TEPSIN: variants seen among roughly 807,000 people sequenced by gnomAD.
TEPSIN encodes the protein AP-4 complex accessory subunit tepsin.
TEPSIN carries 50 observed loss-of-function variants against 48.5 expected under a neutral mutation model. That is an observed-to-expected ratio of 1.03 (90% confidence interval 0.82 to 1.31). The LOEUF (loss-of-function observed/expected upper bound fraction) is 1.31. Ranked by LOEUF, TEPSIN falls within the 50% of genes most tolerant of loss-of-function variation. The pLI is 0.00. For missense variants in TEPSIN, 838 were observed against 815.9 expected (o/e 1.03, Z -0.33); for synonymous variants, 392 against 358.8 (o/e 1.09, Z -1.05).
At position 81,229,019 on chromosome 17, in the gene TEPSIN, G is replaced by T. The variant is rs1431222004; in HGVS notation, c.1691C>A (p.Ala564Asp). Residue 564 changes from alanine (A) to aspartate (D), a missense_variant, in exon 13 of 13, where the codon GCT becomes GAT. Physicochemically the swap from Ala to Asp is moderately radical, Grantham distance 126. Transcript: ENST00000637944. ...GGACGATGTTTGGGGGGCGCGGGGAGCATCAGGACAGGACTCTCCCGCAGC... is the reference window on the plus strand; with the variant it reads ...GGACGATGTTTGGGGGGCGCGGGGATCATCAGGACAGGACTCTCCCGCAGC... ...GAAAGESCPD[A>D]PRAPQTSSQR... 1.9e-6 allele frequency: 3 copies of T among 1,613,358 alleles called. No individual in the cohort carries two copies. The highest frequency in any genetic ancestry group is 2.5e-6 in the Non-Finnish European group (3 of 1,179,986).
At chr17:81,238,936 G>A (rs925304084) in intron 1 of TEPSIN, 50 bp downstream of exon 1, 90 of 1,405,866 alleles carry the variant, frequency 6.4e-5, no homozygotes, top group Non-Finnish European at 7.9e-5. Context: ...GGAATGCGGC[G>A]CTCGAGAGGA....
Position 81,228,995 on chromosome 17 carries a change from G to A in TEPSIN, c.1715C>T (p.Ser572Phe), listed in dbSNP as rs753977148. ...PDAPRAPQTS[S>F]QRTAAKEPPG... ...AGGCTCTTTGGCTGCTGTCCTCTGG[G>A]ACGATGTTTGGGGGGCGCGGGGAGC... is the stretch of plus-strand genomic sequence containing the variant. The change falls in exon 13 of 13, where the codon TCC becomes TTC. Residue 572 changes from serine (S) to phenylalanine (F), a missense_variant. By Grantham distance (155) the Ser-to-Phe change is radical. Coordinates refer to ENST00000637944, the MANE Select transcript of TEPSIN (RefSeq NM_001363764.2). 3 of 1,613,720 alleles carry A rather than the reference G, an allele frequency of 1.9e-6. No individual in the cohort carries two copies. The highest frequency in any genetic ancestry group is 2.5e-6 in the Non-Finnish European group (3 of 1,180,004).
intron 12 of TEPSIN, chr17:81,229,865 C>T (rs1359202827): frequency 3.8e-6 from 1 of 265,054 alleles, no homozygotes; most frequent in Non-Finnish European, 7.2e-6. Context: ...TTTTAGAAAC[C>T]CCACTATGAG....
chr17:81,237,519 G>A (rs1213324432), intron 1 of TEPSIN, 60 bp from the exon 2 acceptor site: 22 of 1,524,696 alleles, frequency 1.4e-5, no homozygotes, highest in Middle Eastern at 1.7e-4. Flanking sequence ...GGGTGAATCC[G>A]CAGCCCCCCA....
chr17:81,233,440 C>G lies in TEPSIN; in HGVS notation c.518G>C (p.Gly173Ala), dbSNP rs771298281. The G allele has an allele frequency of 6.2e-7, 1 of 1,611,098 alleles. No homozygotes were observed. The highest frequency in any genetic ancestry group is 1.1e-5 in the South Asian group (1 of 90,884). ...LQGFGYSKEH[G>A]RTGSAGEAFL... The stretch of plus-strand genomic sequence containing the variant: ...AGGCCCTCCCCACTCACCCGTGCGG[C>G]CGTGTTCCTTGCTGTAGCCGAAACC... The change falls in exon 7 of 13, where the codon GGC (glycine) becomes GCC (alanine). Residue 173 changes from glycine (G) to alanine (A), a missense_variant. Gly to Ala is a moderately conservative substitution (Grantham distance 60, BLOSUM62 0). Coordinates refer to ENST00000637944, the MANE Select transcript of TEPSIN (RefSeq NM_001363764.2). The surrounding 1 kb of genome is among the most constrained non-coding windows in gnomAD (Gnocchi z 5.8).
intron 8 of TEPSIN, 98 bp from the exon 9 acceptor site, chr17:81,232,119 T>C: frequency 1.4e-6 from 2 of 1,448,102 alleles, no homozygotes; most frequent in Non-Finnish European, 9.2e-7. Context: ...GGGGGCTGAG[T>C]CCTGAGCTGA....
chr17:81,238,174 C>A (rs8080632), intron 1 of TEPSIN: 3 of 985,660 alleles, frequency 3.0e-6, no homozygotes, highest in East Asian at 1.1e-4. Flanking sequence ...TGACAACATA[C>A]GAAAACGTGG....
chr17:81,230,719 C>A lies in TEPSIN; in HGVS notation c.1099-41G>T. The A allele has an allele frequency of 1.3e-6, 2 of 1,483,392 alleles. No individual in the cohort carries two copies. The highest frequency in any genetic ancestry group is 2.7e-5 in the South Asian group (2 of 72,858). The allele number at this position is 1,483,392 out of a possible 1,614,324, so 91.9% of individuals were successfully genotyped here. ...GGGGACATCAGCACCCATGGGGCAG[C>A]AGGTCCACGCCAGGGAGGCCTATTT... On this transcript the variant is annotated intron_variant, in intron 11 of 12. Transcript: ENST00000637944. The surrounding 1 kb of genome is among the most constrained non-coding windows in gnomAD (Gnocchi z 4.2).
rs1021669841 is a variant in TEPSIN at position 81,230,423 on chromosome 17, G to A, written c.1233+121C>T. 117 of 1,397,844 alleles carry A rather than the reference G, an allele frequency of 8.4e-5. No homozygotes were observed. The highest frequency in any genetic ancestry group is 5.1e-4 in the Middle Eastern group (2 of 3,940). 86.6% of individuals were successfully genotyped at this position (1,397,844 alleles called of 1,614,324 possible). A position where few individuals can be genotyped will look rare whatever the true frequency, so the allele number is the denominator to read the frequency against. On this transcript the variant is annotated intron_variant, in intron 12 of 12. Coordinates refer to ENST00000637944, the MANE Select transcript of TEPSIN (RefSeq NM_001363764.2). The surrounding 1 kb of genome is among the most constrained non-coding windows in gnomAD (Gnocchi z 4.2). ...CCCTCTGCCAGCGGGACAGGGACTT[G>A]AGAGGGGGTCCGGGAAGGGCTGACC... is the stretch of plus-strand genomic sequence containing the variant.
Position 81,234,575 on chromosome 17 carries a change from T to G in TEPSIN, c.308-527A>C, listed in dbSNP as rs565954698. Among the ~76,000 whole-genome samples, 7 of 152,202 alleles carry G rather than the reference T, an allele frequency of 4.6e-5. No individual in the cohort carries two copies. The highest frequency in any genetic ancestry group is 1.7e-4 in the African/African-American group (7 of 41,526). On this transcript the variant is annotated intron_variant, in intron 4 of 12. Transcript: ENST00000637944. This position sits in a 1 kb window ranked among gnomAD's most constrained non-coding sequence, Gnocchi z 5.4. ...GCCTACACCTGGGGCCGCGGCATCC[T>G]TTCAGGGCTCAGGCTGAGAGCTGTG...
intron 1 of TEPSIN, chr17:81,237,791 C>T: frequency 3.0e-6 from 1 of 336,158 alleles, no homozygotes; most frequent in Non-Finnish European, 5.2e-6. Context: ...CTCTCCTGTA[C>T]CTACCTACTG....
intron 4 of TEPSIN, among the ~76,000 whole-genome samples, chr17:81,235,448 C>T (rs2062704235): frequency 6.6e-6 from 1 of 152,214 alleles, no homozygotes; most frequent in African/African-American, 2.4e-5. Context: ...TGTGTGTCAC[C>T]CAGGGCCAGT....
chr17:81,233,276 A>C lies in TEPSIN; in HGVS notation c.526+156T>G. The C allele has an allele frequency of 2.4e-6, 2 of 850,156 alleles. No homozygotes were observed. Among genetic ancestry groups the C allele is most frequent in the Non-Finnish European group, 1.8e-6 (1 of 563,374 alleles). The allele number at this position is 850,156 out of a possible 1,614,324, so 52.7% of individuals were successfully genotyped here. Reference sequence around the variant, plus strand: ...CCCACCCCCACGTCAGCAGCCAGAGAGAGACAGTGGGGACAGCCCCAGGAA... The same window carrying C: ...CCCACCCCCACGTCAGCAGCCAGAGCGAGACAGTGGGGACAGCCCCAGGAA... On this transcript the variant is annotated intron_variant, in intron 7 of 12. Transcript: ENST00000637944. This position sits in a 1 kb window ranked among gnomAD's most constrained non-coding sequence, Gnocchi z 5.8.
At position 81,233,774 on chromosome 17, in the gene TEPSIN, C is replaced by T. The variant is rs2062669451; in HGVS notation, c.376-58G>A. On this transcript the variant is annotated intron_variant, in intron 5 of 12. Coordinates refer to ENST00000637944, the MANE Select transcript of TEPSIN (RefSeq NM_001363764.2). This position sits in a 1 kb window ranked among gnomAD's most constrained non-coding sequence, Gnocchi z 5.8. The stretch of plus-strand genomic sequence containing the variant: ...CACACCAGGGCCTGCTGTACTCACC[C>T]TGCCACCCATATCAGCTCCGTTCTG... 6.6e-7 allele frequency: 1 copy of T among 1,506,358 alleles called. No individual in the cohort carries two copies. Among genetic ancestry groups the T allele is most frequent in the South Asian group, 1.3e-5 (1 of 79,888 alleles). The allele number at this position is 1,506,358 out of a possible 1,614,324, so 93.3% of individuals were successfully genotyped here. A position where few individuals can be genotyped will look rare whatever the true frequency, so the allele number is the denominator to read the frequency against.
chr17:81,230,304 G>A lies in TEPSIN; in HGVS notation c.1233+240C>T, dbSNP rs1218153657. 1.9e-6 allele frequency: 1 copy of A among 521,870 alleles called. No homozygotes were observed. Among genetic ancestry groups the A allele is most frequent in the Admixed American group, 3.8e-5 (1 of 26,466 alleles). 32.3% of individuals were successfully genotyped at this position (521,870 alleles called of 1,614,324 possible). On this transcript the variant is annotated intron_variant, in intron 12 of 12. Transcript: ENST00000637944. The surrounding 1 kb of genome is among the most constrained non-coding windows in gnomAD (Gnocchi z 4.2). ...GGCAGCGGAGTCTGGGGGCTTCCAG[G>A]AATAGGTAGAGGCCAGTGTACTGTG...
At chr17:81,232,975 G>A (rs950904127) in intron 7 of TEPSIN, 4 of 236,250 alleles carry the variant, frequency 1.7e-5, no homozygotes, top group Non-Finnish European at 2.5e-5. Context: ...CCCAGGGCCC[G>A]GCAGCAGGGC....
rs752547564 is a variant in TEPSIN, at chr17:81,236,782, T to C, written c.233A>G (p.Tyr78Cys). ...GKLKVLKILL[Y>C]LCSHGSSFFL... Reference sequence around the variant, plus strand: ...GAAGGAGGAGCCGTGGCTGCACAGATAGAGCAGGATCTTCAGCACCTGGGG... The same window carrying C: ...GAAGGAGGAGCCGTGGCTGCACAGACAGAGCAGGATCTTCAGCACCTGGGG... Residue 78 changes from tyrosine (Y) to cysteine (C), a missense_variant, in exon 4 of 13, where the codon TAT (tyrosine) becomes TGT (cysteine). Physicochemically the swap from Tyr to Cys is radical, Grantham distance 194. Transcript: ENST00000637944. 3.8e-6 allele frequency: 6 copies of C among 1,568,694 alleles called. No homozygotes were observed. In the South Asian group the frequency reaches 4.7e-5, roughly 12 times the overall value.
Position 81,230,890 on chromosome 17 carries a change from G to A in TEPSIN, c.1099-212C>T, listed in dbSNP as rs565682234. 69 of 581,498 alleles carry A rather than the reference G, an allele frequency of 1.2e-4. No homozygotes were observed. The highest frequency in any genetic ancestry group is 1.1e-3 in the South Asian group (46 of 43,080). 36.0% of individuals were successfully genotyped at this position (581,498 alleles called of 1,614,324 possible). A position where few individuals can be genotyped will look rare whatever the true frequency, so the allele number is the denominator to read the frequency against. The stretch of plus-strand genomic sequence containing the variant: ...CCTGTCCTCACCACCTTACACCCCC[G>A]CTCCCAGACACCAGAGCCCTGTCTT... On this transcript the variant is annotated intron_variant, in intron 11 of 12. Transcript: ENST00000637944. The surrounding 1 kb of genome is among the most constrained non-coding windows in gnomAD (Gnocchi z 4.2).
chr17:81,237,547 C>A, intron 1 of TEPSIN, 88 bp from the exon 2 acceptor site: 2 of 1,321,188 alleles, frequency 1.5e-6, no homozygotes, highest in Non-Finnish European at 1.0e-6. Flanking sequence ...TGGAAACGAC[C>A]CACCTCTCAC....
Sources: gnomAD v4.1 joint callset for allele counts (sites outside exome capture counted in the v4.1 genomes callset) on GRCh38, gnomAD v4.1.1 for gene constraint, Gnocchi (gnomAD v3.1) non-coding constraint, MANE v1.5 for transcripts, NCBI Gene and HGNC (gene_info 2026-07-23, HGNC 2026-07-21) for gene names.